Variants in PUDP observed in about 807,000 individuals in gnomAD.
The protein encoded by PUDP is pseudouridine-5'-phosphatase.
A neutral mutation model predicts 9.4 loss-of-function variants in PUDP; 8 were observed. The ratio of observed to expected loss-of-function variants is 0.85; its 90% CI spans 0.50 to 1.53. PUDP has a LOEUF of 1.53. Ranked by LOEUF, PUDP falls within the 40% of genes most tolerant of loss-of-function variation. The pLI, the probability that PUDP is intolerant of heterozygous loss-of-function variation, is 0.00. For synonymous variants in PUDP, 99 were observed against 80.7 expected (o/e 1.23, Z -1.22); for missense variants, 188 against 189.7 (o/e 0.99, Z 0.05).
rs769937802 is a variant in PUDP at position 7,121,983 on chromosome X, C to T, written c.62-16145G>A. Among the ~76,000 whole-genome samples, 387 of 111,530 alleles carry T rather than the reference C, an allele frequency of 3.5e-3. 2 individuals carry two copies. The highest frequency in any genetic ancestry group is 0.019 in the Middle Eastern group (4 of 215). On this transcript the variant is annotated intron_variant, in intron 1 of 3. Transcript: ENST00000381077. The stretch of plus-strand genomic sequence containing the variant: ...GGAGGATTGCTTGAGACCAAGAGTT[C>T]GAGACCAGCCTGGACAATACAGCGA...
intron 3 of PUDP, among the ~76,000 whole-genome samples, chrX:6,864,856 T>G (rs1927054827): frequency 8.9e-6 from 1 of 111,983 alleles, no homozygotes; most frequent in Non-Finnish European, 1.9e-5. Flanking sequence ...ATAATCCAGT[T>G]AATCTCCCCA....
At chrX:6,919,656 T>C (rs1927987254) in intron 3 of PUDP, among the ~76,000 whole-genome samples, 1 of 108,501 alleles carries the variant, frequency 9.2e-6, no homozygotes, top group Admixed American at 9.9e-5. Context: ...GTGATTGTAC[T>C]GAGGGGATGC....
intron 2 of PUDP, among the ~76,000 whole-genome samples, chrX:7,089,389 C>T (rs1380687040): frequency 1.8e-5 from 2 of 111,358 alleles, no homozygotes; most frequent in Admixed American, 9.6e-5. Flanking sequence ...CTTTTATCTA[C>T]GTCCTCCACT....
At chrX:6,901,019 G>A (rs929042910) in intron 3 of PUDP, among the ~76,000 whole-genome samples, 2 of 110,668 alleles carry the variant, frequency 1.8e-5, no homozygotes, top group Admixed American at 1.9e-4. Context: ...CTCGTGATCC[G>A]CCCGCCTCGG....
At chrX:7,006,585 C>T (rs1047226360) in intron 1 of PUDP, among the ~76,000 whole-genome samples, 30 of 110,667 alleles carry the variant, frequency 2.7e-4, no homozygotes, top group African/African-American at 9.3e-4. Flanking sequence ...TCTTTGAATA[C>T]CAGTGATGTT....
At chrX:7,114,228 C>G (rs765269268) in intron 1 of PUDP, among the ~76,000 whole-genome samples, 23 of 111,123 alleles carry the variant, frequency 2.1e-4, no homozygotes, top group Admixed American at 5.7e-4. Flanking sequence ...GTGCACACCA[C>G]CATGCCTGGC....
At chrX:7,050,576 G>A (rs1301946246) in intron 3 of PUDP, 104 bp from the exon 4 acceptor site, 1 of 739,403 alleles carries the variant, frequency 1.4e-6, no homozygotes, top group Non-Finnish European at 2.0e-6. Flanking sequence ...TGTGCAGAAA[G>A]AGACAGAATT....
chrX:6,867,433 GTAA>G (rs1927103846), intron 3 of PUDP, among the ~76,000 whole-genome samples: 1 of 110,999 alleles, frequency 9.0e-6, no homozygotes, highest in Admixed American at 9.6e-5. Context: ...GGTGGTGATG[GTAA>G]TGATGATGGC....
chrX:6,828,479 G>A (rs1442352125), intron 3 of PUDP, among the ~76,000 whole-genome samples: 2 of 111,466 alleles, frequency 1.8e-5, no homozygotes, highest in Non-Finnish European at 3.8e-5. Flanking sequence ...CACATGCACA[G>A]CCTCCTCTAC....
chrX:6,980,750 G>A (rs1281509962), intron 1 of PUDP, among the ~76,000 whole-genome samples: 1 of 111,152 alleles, frequency 9.0e-6, no homozygotes, highest in Admixed American at 9.6e-5. Context: ...GTAAACAAGA[G>A]AGTATAGCAA....
chrX:6,712,881 C>T (rs1332441136), intron 1 of PUDP, among the ~76,000 whole-genome samples: 4 of 111,169 alleles, frequency 3.6e-5, no homozygotes, highest in Non-Finnish European at 7.6e-5. Context: ...GACCCTGTCT[C>T]TACTAAATAC....
At chrX:6,936,128 T>C (rs1343842358) in intron 3 of PUDP, among the ~76,000 whole-genome samples, 108 of 103,032 alleles carry the variant, frequency 1.0e-3, no homozygotes, top group African/African-American at 3.4e-3. Flanking sequence ...TCCCTAACTC[T>C]TTTTATGAGG....
At chrX:6,749,084 T>C (rs953887883) in intron 3 of PUDP, among the ~76,000 whole-genome samples, 3 of 112,104 alleles carry the variant, frequency 2.7e-5, no homozygotes, top group African/African-American at 9.7e-5. Flanking sequence ...GTATAGATCA[T>C]TTTGCAGGAG....
upstream of PUDP, among the ~76,000 whole-genome samples, chrX:6,726,200 C>T (rs1924736350): frequency 9.0e-6 from 1 of 111,274 alleles, no homozygotes; most frequent in African/African-American, 3.3e-5. Flanking sequence ...TGGGCATGGC[C>T]GTGTGTCCCA....
rs769430287 is a variant in PUDP, at chrX:6,797,125, G to A, written c.*248-90659C>T. Among the ~76,000 whole-genome samples, 3 of 112,258 alleles carry A rather than the reference G, an allele frequency of 2.7e-5. 1 individual carries two copies. Among genetic ancestry groups the A allele is most frequent in the South Asian group, 7.5e-4 (2 of 2,652 alleles). On this transcript the variant is annotated intron_variant and NMD_transcript_variant, in intron 3 of 3. Coordinates refer to the PUDP transcript ENST00000655425. ...TTAAGAGGCTGCTGTTAGGGTACCTGTGTAACTGTGATCACCGTAGAACAT... is the reference window on the plus strand; with the variant it reads ...TTAAGAGGCTGCTGTTAGGGTACCTATGTAACTGTGATCACCGTAGAACAT...
intron 3 of PUDP, among the ~76,000 whole-genome samples, chrX:7,070,680 C>T (rs62588715): frequency 0.058 from 6,412 of 110,521 alleles, 194 homozygotes; most frequent in South Asian, 0.089. Flanking sequence ...CGGGTTCAGG[C>T]GATTCTCCTG....
intron 3 of PUDP, among the ~76,000 whole-genome samples, chrX:6,829,655 C>G (rs908425645): frequency 8.9e-6 from 1 of 111,847 alleles, no homozygotes; most frequent in African/African-American, 3.3e-5. Context: ...TTTTCATAGG[C>G]TTATTTGCCA....
intron 3 of PUDP, among the ~76,000 whole-genome samples, chrX:6,975,921 G>A (rs941980846): frequency 8.9e-6 from 1 of 112,328 alleles, no homozygotes; most frequent in Non-Finnish European, 1.9e-5. Flanking sequence ...GGAATCTTGT[G>A]AGGCAGTCTG....
intron 3 of PUDP, among the ~76,000 whole-genome samples, chrX:6,770,350 T>A (rs773921101): frequency 1.8e-5 from 2 of 112,613 alleles, no homozygotes; most frequent in Admixed American, 9.4e-5. Flanking sequence ...CCATTTATTA[T>A]CTGGCCCTTT....
Sources: gnomAD v4.1 joint callset for allele counts (sites outside exome capture counted in the v4.1 genomes callset) on GRCh38, gnomAD v4.1.1 for gene constraint, MANE v1.5 for transcripts, NCBI Gene and HGNC (gene_info 2026-07-23, HGNC 2026-07-21) for gene names.